Variants in WNK3 observed in about 807,000 individuals in gnomAD.
The protein encoded by WNK3 is serine/threonine-protein kinase WNK3.
Under a neutral mutation model 116.7 loss-of-function variants are expected in WNK3, and 18 were observed. That is an observed-to-expected ratio of 0.15 (90% CI 0.11 to 0.23). The LOEUF (loss-of-function observed/expected upper bound fraction) is 0.23, where lower values mean the gene tolerates loss of function less well. Ranked by LOEUF, WNK3 falls within the 10% of genes least tolerant of loss-of-function variation. The pLI is 1.00. For missense variants in WNK3, 993 were observed against 1,323.8 expected (o/e 0.75, Z 3.88); for synonymous variants, 404 against 469.4 (o/e 0.86, Z 1.80).
intron 2 of WNK3, among the ~76,000 whole-genome samples, chrX:54,315,970 A>G (rs1211784517): frequency 9.0e-6 from 1 of 111,148 alleles, no homozygotes; most frequent in Non-Finnish European, 1.9e-5. Context: ...TACTCTGCAG[A>G]CTAAAAATGA....
At chrX:54,323,821 G>T (rs1557172773) in intron 2 of WNK3, among the ~76,000 whole-genome samples, 3 of 111,206 alleles carry the variant, frequency 2.7e-5, no homozygotes, top group African/African-American at 9.8e-5. Flanking sequence ...TCCCCATTAT[G>T]TCCCTAGCAC....
At chrX:54,276,707 G>C (rs1233339573) in intron 10 of WNK3, among the ~76,000 whole-genome samples, 1 of 109,009 alleles carries the variant, frequency 9.2e-6, no homozygotes, top group African/African-American at 3.3e-5. Flanking sequence ...ATCTGAAAAA[G>C]GCAACATTCC....
chrX:54,199,029 GATTAA>G (rs1251793428), intron 23 of WNK3, among the ~76,000 whole-genome samples: 1 of 111,266 alleles, frequency 9.0e-6, no homozygotes, highest in South Asian at 3.8e-4. Flanking sequence ...TTTCTGCACT[GATTAA>G]ATTATATAAT....
intron 2 of WNK3, among the ~76,000 whole-genome samples, chrX:54,325,405 G>A (rs970901619): frequency 2.8e-4 from 31 of 110,620 alleles, no homozygotes; most frequent in African/African-American, 9.2e-4. Flanking sequence ...TTGGCCGGGC[G>A]TTGTGGCTCA....
chrX:54,272,287 C>A lies in WNK3; in HGVS notation c.2038-12949G>T, dbSNP rs947885761. Reference sequence around the variant, plus strand: ...TACATAGCAGGTCCTCAAAAAATGTCAACTCCCTAACTATAAGTTTCACTC... The same window carrying A: ...TACATAGCAGGTCCTCAAAAAATGTAAACTCCCTAACTATAAGTTTCACTC... On this transcript the variant is annotated intron_variant, in intron 10 of 23. Coordinates refer to ENST00000354646, the Ensembl canonical transcript of WNK3. Among the ~76,000 whole-genome samples, 6 of 111,227 alleles carry A rather than the reference C, an allele frequency of 5.4e-5. No homozygotes were observed. In the South Asian group the frequency reaches 1.5e-3, roughly 28 times the overall value.
At chrX:54,213,493 G>A (rs1182893196) in intron 22 of WNK3, among the ~76,000 whole-genome samples, 4 of 99,482 alleles carry the variant, frequency 4.0e-5, no homozygotes, top group Non-Finnish European at 7.9e-5. Flanking sequence ...AGTGGAGGTT[G>A]CAGTGAGCCG....
intron 22 of WNK3, among the ~76,000 whole-genome samples, chrX:54,216,292 AAT>A (rs782332737): frequency 0.2 from 19,829 of 98,908 alleles, 4,787 homozygotes; most frequent in African/African-American, 0.65. Flanking sequence ...TAAATACTAA[AAT>A]ATATATATAT....
At chrX:54,321,281 A>C (rs2069030351) in intron 2 of WNK3, among the ~76,000 whole-genome samples, 1 of 111,917 alleles carries the variant, frequency 8.9e-6, no homozygotes, top group Non-Finnish European at 1.9e-5. Context: ...CAAAGTATTT[A>C]TCATGTTTTT....
intron 19 of WNK3, among the ~76,000 whole-genome samples, chrX:54,237,892 G>A (rs1051447654): frequency 9.0e-6 from 1 of 111,630 alleles, no homozygotes; most frequent in Non-Finnish European, 1.9e-5. Context: ...GTGAGGGGAT[G>A]CATGCAAGAT....
chrX:54,200,811 C>A (rs186310863), intron 23 of WNK3, among the ~76,000 whole-genome samples: 102 of 111,759 alleles, frequency 9.1e-4, no homozygotes, highest in Non-Finnish European at 1.7e-3. Context: ...GCATTTATGT[C>A]TTGAAATTTG....
In WNK3 at chrX:54,249,664, C is replaced by T. The variant is rs138334241; in HGVS notation, c.2714-30G>A. On this transcript the variant is annotated intron_variant, in intron 16 of 23. Transcript: ENST00000354646. ...AACAATAATAAAGAATGGCTAAGCACGTACTGACGAGTACAAAGCACAGAC... is the reference window on the plus strand; with the variant it reads ...AACAATAATAAAGAATGGCTAAGCATGTACTGACGAGTACAAAGCACAGAC... The T allele has an allele frequency of 3.3e-3, 3,806 of 1,153,755 alleles. 12 individuals are homozygous for T. Among genetic ancestry groups the T allele is most frequent in the Non-Finnish European group, 3.3e-3 (2,846 of 855,208 alleles).
chrX:54,216,795 A>G (rs1421772972), intron 22 of WNK3, among the ~76,000 whole-genome samples: 1 of 112,248 alleles, frequency 8.9e-6, no homozygotes, highest in Non-Finnish European at 1.9e-5. Flanking sequence ...CTTCTGACCA[A>G]TCATGGCTCA....
At chrX:54,346,233 G>T (rs2069424821) in intron 1 of WNK3, among the ~76,000 whole-genome samples, 1 of 82,248 alleles carries the variant, frequency 1.2e-5, no homozygotes, top group Non-Finnish European at 2.2e-5. Context: ...ATTAATAATA[G>T]CTTTTGTGAA....
At chrX:54,260,116 T>C (rs2068240026) in intron 10 of WNK3, among the ~76,000 whole-genome samples, 1 of 111,721 alleles carries the variant, frequency 9.0e-6, no homozygotes, top group African/African-American at 3.2e-5. Flanking sequence ...CTGTAGCTCC[T>C]CTGTATAAAT....
intron 10 of WNK3, among the ~76,000 whole-genome samples, chrX:54,270,907 T>C (rs1477989531): frequency 9.0e-6 from 1 of 111,472 alleles, no homozygotes; most frequent in Non-Finnish European, 1.9e-5. Context: ...GCAAAGGATA[T>C]GAACTCATTC....
intron 1 of WNK3, among the ~76,000 whole-genome samples, chrX:54,345,240 T>TCAA (rs78968161): frequency 7.8e-4 from 73 of 93,215 alleles, no homozygotes; most frequent in East Asian, 3.2e-3. Context: ...AGACTCTGTC[T>TCAA]CAACAACAAC....
At chrX:54,345,329 T>TGTA (rs2069408029) in intron 1 of WNK3, among the ~76,000 whole-genome samples, 7 of 109,159 alleles carry the variant, frequency 6.4e-5, no homozygotes, top group African/African-American at 2.0e-4. Flanking sequence ...TATGTATGTA[T>TGTA]TTGAGTGGAT....
exon 24 of WNK3, chrX:54,198,510 A>C (rs2067469129): frequency 8.3e-7 from 1 of 1,207,908 alleles, no homozygotes; most frequent in South Asian, 1.8e-5. Flanking sequence ...TATACTGACA[A>C]ACGTGAGGCA....
intron 2 of WNK3, among the ~76,000 whole-genome samples, chrX:54,321,189 C>T (rs1243717669): frequency 8.9e-6 from 1 of 111,800 alleles, no homozygotes; most frequent in Non-Finnish European, 1.9e-5. Context: ...GAGCTACCGC[C>T]CCCAGCCAAT....
Sources: gnomAD v4.1 joint callset for allele counts (sites outside exome capture counted in the v4.1 genomes callset) on GRCh38, gnomAD v4.1.1 for gene constraint, MANE v1.5 for transcripts, NCBI Gene and HGNC (gene_info 2026-07-23, HGNC 2026-07-21) for gene names.